Variants in TMEM238 observed in about 807,000 individuals in gnomAD.
TMEM238 encodes the protein transmembrane protein 238.
For missense variants in TMEM238, 169 were observed against 206.8 expected, an observed-to-expected ratio of 0.82 and a Z score of 1.12; for synonymous variants, 103 against 111.5, an observed-to-expected ratio of 0.92 and a Z score of 0.48.
intron 1 of TMEM238, among the ~76,000 whole-genome samples, chr19:55,380,664 A>T (rs2089883007): frequency 6.6e-6 from 1 of 151,348 alleles, no homozygotes; most frequent in African/African-American, 2.4e-5. Context: ...ACCTCAGGTG[A>T]TCCACCCGCC....
chr19:55,383,944 C>A lies in TMEM238; in HGVS notation c.316G>T (p.Gly106Cys), dbSNP rs1221142967. 2.2e-6 allele frequency: 3 copies of A among 1,353,204 alleles called. No homozygotes were observed. Among genetic ancestry groups the A allele is most frequent in the Admixed American group, 2.5e-5 (1 of 39,940 alleles). The allele number at this position is 1,353,204 out of a possible 1,614,324, so 83.8% of individuals were successfully genotyped here. Residue 106 changes from glycine (G) to cysteine (C), a missense_variant, in exon 1 of 2, where the codon GGC (glycine) becomes TGC (cysteine). Physicochemically the swap from Gly to Cys is radical, Grantham distance 159 (BLOSUM62 -3). Coordinates refer to ENST00000444469, the MANE Select transcript of TMEM238 (RefSeq NM_001190764.2). This position sits in a 1 kb window ranked among gnomAD's most constrained non-coding sequence, Gnocchi z 4.9. ...CGGGCGAGCGCCGAGGGCCGCAGGC[C>A]GTAGTCGCGCTCCAGCTCCTGGCGC... ...ISRQELERDY[G>C]LRPSALARLA...
At chr19:55,382,493 C>T (rs1027692111) in intron 1 of TMEM238, among the ~76,000 whole-genome samples, 2 of 152,170 alleles carry the variant, frequency 1.3e-5, no homozygotes, top group Non-Finnish European at 2.9e-5. Context: ...AGAGAAGACC[C>T]AGAGAAATTA....
intron 1 of TMEM238, among the ~76,000 whole-genome samples, chr19:55,380,276 T>G (rs1019993845): frequency 5.2e-5 from 2 of 38,122 alleles, no homozygotes; most frequent in African/African-American, 1.2e-4. Flanking sequence ...TCTCCTCCCC[T>G]CCCCTCCCCT....
At position 55,384,123 on chromosome 19, in the gene TMEM238, A is replaced by G; in HGVS notation, c.137T>C (p.Val46Ala). 1 of 1,445,470 alleles carries G rather than the reference A, an allele frequency of 6.9e-7. No homozygotes were observed. Among genetic ancestry groups the G allele is most frequent in the Non-Finnish European group, 9.1e-7 (1 of 1,093,134 alleles). The allele number at this position is 1,445,470 out of a possible 1,614,324, so 89.5% of individuals were successfully genotyped here. Residue 46 changes from valine to alanine, a missense_variant, in exon 1 of 2, where the codon GTG becomes GCG. Transcript: ENST00000444469. This position sits in a 1 kb window ranked among gnomAD's most constrained non-coding sequence, Gnocchi z 5.6. ...MALLLAVALD[V>A]AGMAALLTGV... is the part of the protein sequence containing the mutation. ...GGTCAGCAGCGCCGCCATGCCCGCC[A>G]CATCCAGCGCCACGGCCAGCAGCAG...
rs2089893822 is a variant in TMEM238, at chr19:55,383,465, C to A, written c.*7+257G>T. Among the ~76,000 whole-genome samples the A allele has an allele frequency of 6.6e-6, 1 of 152,164 alleles. No individual in the cohort carries two copies. The highest frequency in any genetic ancestry group is 2.1e-4 in the South Asian group (1 of 4,832). Reference sequence around the variant, plus strand: ...CTGGGGCTCTCCCCGTGCGGGGGGCCTAACTGTGTGACTCGACCCCCACAC... The same window carrying A: ...CTGGGGCTCTCCCCGTGCGGGGGGCATAACTGTGTGACTCGACCCCCACAC... On this transcript the variant is annotated intron_variant, in intron 1 of 1. Transcript: ENST00000444469. The surrounding 1 kb of genome is among the most constrained non-coding windows in gnomAD (Gnocchi z 4.9).
chr19:55,381,745 T>A (rs772643157), intron 1 of TMEM238, among the ~76,000 whole-genome samples: 1 of 152,104 alleles, frequency 6.6e-6, no homozygotes, highest in Non-Finnish European at 1.5e-5. Context: ...CAAGTTAAGG[T>A]GCCCTGGGGA....
chr19:55,379,629 C>T (rs971742494), intron 1 of TMEM238, among the ~76,000 whole-genome samples: 3 of 152,068 alleles, frequency 2.0e-5, no homozygotes, highest in Non-Finnish European at 4.4e-5. Context: ...GAGACGAAGA[C>T]ATGCAGAAGG....
In TMEM238 at chr19:55,380,197, T is replaced by A. The variant is rs546050959; in HGVS notation, c.*8-830A>T. Among the ~76,000 whole-genome samples, 5 of 151,556 alleles carry A rather than the reference T, an allele frequency of 3.3e-5. No homozygotes were observed. In the South Asian group the frequency reaches 1.0e-3, roughly 32 times the overall value. ...TTCGAGTCAGTGTGGTCTGAGTCTTTGGTGGAGGCTCCAAGAGTGGAGGCC... is the reference window on the plus strand; with the variant it reads ...TTCGAGTCAGTGTGGTCTGAGTCTTAGGTGGAGGCTCCAAGAGTGGAGGCC... On this transcript the variant is annotated intron_variant, in intron 1 of 1. Transcript: ENST00000444469.
Position 55,383,937 on chromosome 19 carries a change from C to A in TMEM238, c.323G>T (p.Arg108Leu), listed in dbSNP as rs1346572187. ...CGCCAGGCGGGCGAGCGCCGAGGGC[C>A]GCAGGCCGTAGTCGCGCTCCAGCTC... The part of the protein sequence containing the change: ...RQELERDYGL[R>L]PSALARLARK... The change falls in exon 1 of 2, where the codon CGG becomes CTG. Residue 108 changes from arginine (R) to leucine (L), a missense_variant. By Grantham distance (102) the Arg-to-Leu change is moderately radical. Transcript: ENST00000444469. This position sits in a 1 kb window ranked among gnomAD's most constrained non-coding sequence, Gnocchi z 4.9. The A allele has an allele frequency of 7.5e-7, 1 of 1,328,174 alleles. No homozygotes were observed. The highest frequency in any genetic ancestry group is 9.8e-7 in the Non-Finnish European group (1 of 1,024,214). 82.3% of individuals were successfully genotyped at this position (1,328,174 alleles called of 1,614,324 possible). A position where few individuals can be genotyped will look rare whatever the true frequency, so the allele number is the denominator to read the frequency against.
chr19:55,384,207 G>C lies in TMEM238; in HGVS notation c.53C>G (p.Pro18Arg), dbSNP rs1205423168. 1.7e-6 allele frequency: 2 copies of C among 1,165,344 alleles called. No homozygotes were observed. Among genetic ancestry groups the C allele is most frequent in the Admixed American group, 9.5e-5 (2 of 20,946 alleles). 72.2% of individuals were successfully genotyped at this position (1,165,344 alleles called of 1,614,324 possible). Residue 18 changes from proline to arginine, a missense_variant, in exon 1 of 2, where the codon CCG becomes CGG. Physicochemically the swap from Pro to Arg is moderately radical, Grantham distance 103. Coordinates refer to ENST00000444469, the MANE Select transcript of TMEM238 (RefSeq NM_001190764.2). The surrounding 1 kb of genome is among the most constrained non-coding windows in gnomAD (Gnocchi z 5.6). ...CASQGSPPGAPSAPAAAPAPA... is the reference protein window; with the variant it reads ...CASQGSPPGARSAPAAAPAPA... ...TGCTGGCGCGGCCGCCGGCGCGGACGGTGCACCCGGCGGGCTCCCCTGCGA... is the reference window on the plus strand; with the variant it reads ...TGCTGGCGCGGCCGCCGGCGCGGACCGTGCACCCGGCGGGCTCCCCTGCGA...
In TMEM238 at chr19:55,379,339, G is replaced by A. The variant is rs1342618876; in HGVS notation, c.*36C>T. On this transcript the variant is annotated 3_prime_UTR_variant, in exon 2 of 2. Transcript: ENST00000444469. Reference sequence around the variant, plus strand: ...TAGGGGCAGCTGCACATCTCAGTCTGGTCCTGACAGCTGGAGCCAAGGGGT... The same window carrying A: ...TAGGGGCAGCTGCACATCTCAGTCTAGTCCTGACAGCTGGAGCCAAGGGGT... 6.6e-6 allele frequency: 1 copy of A among 152,294 alleles called. No homozygotes were observed. Among genetic ancestry groups the A allele is most frequent in the Admixed American group, 6.5e-5 (1 of 15,292 alleles). The allele number at this position is 152,294 out of a possible 1,614,324, so 9.4% of individuals were successfully genotyped here.
At chr19:55,381,469 T>G in intron 1 of TMEM238, among the ~76,000 whole-genome samples, 1 of 145,594 alleles carries the variant, frequency 6.9e-6, no homozygotes, top group Non-Finnish European at 1.5e-5. Flanking sequence ...ACATAGAACG[T>G]CCTAGGATAA....
chr19:55,380,228 A>G (rs2089879459), intron 1 of TMEM238, among the ~76,000 whole-genome samples: 1 of 133,796 alleles, frequency 7.5e-6, no homozygotes. Flanking sequence ...AGGCCTGTGC[A>G]GCTGTGTTAG....
chr19:55,381,389 G>A (rs1198373803), intron 1 of TMEM238, among the ~76,000 whole-genome samples: 3 of 120,718 alleles, frequency 2.5e-5, no homozygotes. Context: ...CTGCACTCCA[G>A]CCTGGACAAC....
In TMEM238 at chr19:55,384,144, A is replaced by G. The variant is rs1159063690; in HGVS notation, c.116T>C (p.Leu39Pro). 1.4e-6 allele frequency: 2 copies of G among 1,405,756 alleles called. No homozygotes were observed. Among genetic ancestry groups the G allele is most frequent in the Non-Finnish European group, 1.9e-6 (2 of 1,069,634 alleles). The allele number at this position is 1,405,756 out of a possible 1,614,324, so 87.1% of individuals were successfully genotyped here. ...CGCCACATCCAGCGCCACGGCCAGC[A>G]GCAGCGCCATCCGGCAGCGGCCCAG... Reference protein sequence around the residue: ...AGLGRCRMALLLAVALDVAGM... With the variant: ...AGLGRCRMALPLAVALDVAGM... The change falls in exon 1 of 2, where the codon CTG becomes CCG. Residue 39 changes from leucine (L) to proline (P), a missense_variant. Transcript: ENST00000444469. The surrounding 1 kb of genome is among the most constrained non-coding windows in gnomAD (Gnocchi z 5.6).
chr19:55,380,257 G>A (rs2089879621), intron 1 of TMEM238, among the ~76,000 whole-genome samples: 1 of 145,344 alleles, frequency 6.9e-6, no homozygotes, highest in Non-Finnish European at 1.5e-5. Flanking sequence ...GCTACGTAAA[G>A]GATTCTCCTC....
At chr19:55,381,147 G>A (rs974472803) in intron 1 of TMEM238, among the ~76,000 whole-genome samples, 7 of 151,986 alleles carry the variant, frequency 4.6e-5, no homozygotes, top group African/African-American at 1.4e-4. Context: ...AGCCGGGCAC[G>A]GTGGTTCACG....
chr19:55,379,472 C>G (rs980467892), intron 1 of TMEM238, 105 bp from the exon 2 acceptor site: 1 of 152,248 alleles, frequency 6.6e-6, no homozygotes, highest in African/African-American at 2.4e-5. Context: ...ATCCGCCTGC[C>G]CTTGCCGCTC....
chr19:55,381,976 T>C lies in TMEM238; in HGVS notation c.*7+1746A>G, dbSNP rs147086581. On this transcript the variant is annotated intron_variant, in intron 1 of 1. Transcript: ENST00000444469. ...ATTAAACAACCCATCCATCCGTCAA[T>C]CCAACCACATCCCTGCATCAACCAA... Among the ~76,000 whole-genome samples the C allele has an allele frequency of 7.5e-3, 1,137 of 152,084 alleles. 15 individuals carry two copies. Among genetic ancestry groups the C allele is most frequent in the African/African-American group, 0.026 (1,062 of 41,486 alleles).
Sources: gnomAD v4.1 joint callset for allele counts (sites outside exome capture counted in the v4.1 genomes callset) on GRCh38, gnomAD v4.1.1 for gene constraint, Gnocchi (gnomAD v3.1) non-coding constraint, MANE v1.5 for transcripts, NCBI Gene and HGNC (gene_info 2026-07-23, HGNC 2026-07-21) for gene names.